Variants in CTNND2 observed in about 807,000 individuals in gnomAD.
CTNND2 encodes catenin delta-2.
CTNND2 carries 22 observed loss-of-function variants against 144.4 expected under a neutral mutation model. The ratio of observed to expected loss-of-function variants is 0.15; its 90% CI spans 0.11 to 0.22. The LOEUF (loss-of-function observed/expected upper bound fraction) is 0.22. CTNND2 is among the 10% of genes least tolerant of loss of function. The pLI is 1.00. For synonymous variants in CTNND2, 751 were observed against 695.6 expected, an observed-to-expected ratio of 1.08 and a Z score of -1.25; for missense variants, 1,353 against 1,618.8, an observed-to-expected ratio of 0.84 and a Z score of 2.82.
chr5:11,557,938 A>G (rs899384441), intron 3 of CTNND2, among the ~76,000 whole-genome samples: 1 of 152,204 alleles, frequency 6.6e-6, no homozygotes, highest in African/African-American at 2.4e-5. Flanking sequence ...GAAAATTCCA[A>G]AGAACGGTTC....
intron 1 of CTNND2, among the ~76,000 whole-genome samples, chr5:11,880,860 TACC>T (rs745983223): frequency 5.6e-5 from 7 of 125,988 alleles, no homozygotes; most frequent in African/African-American, 8.9e-5. Flanking sequence ...CCACTACTAC[TACC>T]ACTACTACTG....
intron 7 of CTNND2, among the ~76,000 whole-genome samples, chr5:11,367,062 C>T (rs1017236092): frequency 6.6e-6 from 1 of 152,188 alleles, no homozygotes; most frequent in Non-Finnish European, 1.5e-5. Context: ...GGATACTATA[C>T]TTTTTTACAT....
At chr5:11,288,402 A>G (rs1323574432) in intron 9 of CTNND2, among the ~76,000 whole-genome samples, 6 of 141,390 alleles carry the variant, frequency 4.2e-5, no homozygotes, top group Admixed American at 1.4e-4. Flanking sequence ...CAATTATGCT[A>G]ACAAAATTCT....
In CTNND2 at chr5:11,454,660, G is replaced by A. The variant is rs555189750; in HGVS notation, c.288-42591C>T. 3.3e-5 allele frequency among the ~76,000 whole-genome samples: 5 copies of A among 150,980 alleles called. No homozygotes were observed. In the South Asian group the frequency reaches 6.3e-4, roughly 19 times the overall value. On this transcript the variant is annotated intron_variant, in intron 3 of 21. Coordinates refer to ENST00000304623, the MANE Select transcript of CTNND2 (RefSeq NM_001332.4). ...TGCCCAGGCTGCAGTGCAGTGGCAC[G>A]ATCTCAGCTCACTGCAATCTCCACC... is the stretch of plus-strand genomic sequence containing the variant.
At chr5:11,505,378 C>A (rs1293362982) in intron 3 of CTNND2, among the ~76,000 whole-genome samples, 2 of 152,140 alleles carry the variant, frequency 1.3e-5, no homozygotes, top group Non-Finnish European at 2.9e-5. Flanking sequence ...AGAAAAGGCA[C>A]GGGCTCCTCA....
At chr5:11,755,234 C>T (rs557403905) in intron 1 of CTNND2, among the ~76,000 whole-genome samples, 132 of 151,720 alleles carry the variant, frequency 8.7e-4, no homozygotes, top group African/African-American at 3.0e-3. Flanking sequence ...TTCTCCGTTG[C>T]AATTTATTTT....
chr5:11,833,201 T>C (rs1793998506), intron 1 of CTNND2, among the ~76,000 whole-genome samples: 1 of 152,222 alleles, frequency 6.6e-6, no homozygotes, highest in Non-Finnish European at 1.5e-5. Context: ...AATTTATTCA[T>C]AATAACTAAT....
At chr5:11,470,980 A>ATATATATATATATATATATATATTT (rs1219093645) in intron 3 of CTNND2, among the ~76,000 whole-genome samples, 2 of 91,582 alleles carry the variant, frequency 2.2e-5, no homozygotes, top group African/African-American at 5.7e-5. Flanking sequence ...ATATATATAT[A>ATATATATATATATATATATATATTT]TTTTTTTTTT....
At chr5:11,148,293 C>A (rs1757436029) in intron 12 of CTNND2, among the ~76,000 whole-genome samples, 1 of 152,140 alleles carries the variant, frequency 6.6e-6, no homozygotes, top group African/African-American at 2.4e-5. Flanking sequence ...CCGAGTTGTT[C>A]ACTTTTAAAT....
intron 2 of CTNND2, among the ~76,000 whole-genome samples, chr5:11,641,632 G>A (rs752756463): frequency 5.5e-5 from 8 of 146,340 alleles, no homozygotes; most frequent in Non-Finnish European, 7.5e-5. Flanking sequence ...ATACATATAC[G>A]TGTGTGTATA....
chr5:11,234,976 C>T (rs1201259857), intron 10 of CTNND2, among the ~76,000 whole-genome samples: 1 of 152,198 alleles, frequency 6.6e-6, no homozygotes, highest in Non-Finnish European at 1.5e-5. Flanking sequence ...TTTCCATAAG[C>T]TTTCTCAAGA....
chr5:11,435,637 C>A (rs1408606028), intron 3 of CTNND2, among the ~76,000 whole-genome samples: 2 of 152,180 alleles, frequency 1.3e-5, no homozygotes, highest in Non-Finnish European at 2.9e-5. Flanking sequence ...CTGTCGCTGG[C>A]CAACTCCTAT....
intron 11 of CTNND2, among the ~76,000 whole-genome samples, chr5:11,199,086 T>C (rs1038858062): frequency 6.6e-6 from 1 of 152,174 alleles, no homozygotes; most frequent in Non-Finnish European, 1.5e-5. Flanking sequence ...GAAACCAGAA[T>C]ATATACCTTA....
At chr5:11,750,792 A>T (rs1437274500) in intron 1 of CTNND2, among the ~76,000 whole-genome samples, 3 of 151,834 alleles carry the variant, frequency 2.0e-5, no homozygotes, top group African/African-American at 7.2e-5. Context: ...TAGACTAGAC[A>T]TTAATACAAA....
chr5:11,565,476 C>T (rs1261217508), intron 2 of CTNND2, among the ~76,000 whole-genome samples: 4 of 152,066 alleles, frequency 2.6e-5, no homozygotes, highest in Non-Finnish European at 5.9e-5. Context: ...GTGTTTATTC[C>T]CTACTGGCCT....
chr5:11,532,359 G>A (rs764085332), intron 3 of CTNND2, among the ~76,000 whole-genome samples: 8 of 124,634 alleles, frequency 6.4e-5, no homozygotes, highest in East Asian at 2.6e-4. Context: ...ACTATTCTCC[G>A]TATCTTAGTC....
chr5:11,406,824 G>A (rs1291325910), intron 5 of CTNND2, among the ~76,000 whole-genome samples: 1 of 139,440 alleles, frequency 7.2e-6, no homozygotes, highest in Non-Finnish European at 1.5e-5. Context: ...ATAATAATAT[G>A]TACTTTTTTT....
At chr5:11,697,202 T>C (rs1440683806) in intron 2 of CTNND2, among the ~76,000 whole-genome samples, 1 of 152,206 alleles carries the variant, frequency 6.6e-6, no homozygotes, top group African/African-American at 2.4e-5. Flanking sequence ...CTTTCAACTG[T>C]TATACAGAGG....
chr5:11,522,805 G>A (rs1378409975), intron 3 of CTNND2, among the ~76,000 whole-genome samples: 3 of 152,050 alleles, frequency 2.0e-5, no homozygotes, highest in South Asian at 2.1e-4. Context: ...TTTCTTGAAC[G>A]ATGAAGGGAA....
Sources: allele counts gnomAD v4.1 joint callset (sites outside exome capture counted in the v4.1 genomes callset), GRCh38; gene constraint gnomAD v4.1.1; transcripts MANE v1.5; gene names NCBI Gene and HGNC (gene_info 2026-07-23, HGNC 2026-07-21).